Variants in CHRNA5 observed in about 807,000 individuals in gnomAD.
The protein encoded by CHRNA5 is neuronal acetylcholine receptor subunit alpha-5.
Under a neutral mutation model 41.2 loss-of-function variants are expected in CHRNA5, and 28 were observed. The ratio of observed to expected loss-of-function variants is 0.68; its 90% CI spans 0.50 to 0.93. CHRNA5 has a LOEUF of 0.93. Among genes scored for constraint, CHRNA5 ranks in the 40% least tolerant of loss-of-function variants. CHRNA5 has a pLI of 0.00. For missense variants in CHRNA5, 481 were observed against 581.9 expected (o/e 0.83, Z 1.78); for synonymous variants, 188 against 205.8 (o/e 0.91, Z 0.74).
At chr15:78,568,502 C>T (rs765662795) in intron 1 of CHRNA5, among the ~76,000 whole-genome samples, 14 of 151,494 alleles carry the variant, frequency 9.2e-5, no homozygotes, top group Non-Finnish European at 5.9e-5. Context: ...TTCTGGGATA[C>T]ATGTGCAGAA....
intron 1 of CHRNA5, among the ~76,000 whole-genome samples, chr15:78,579,864 C>T (rs773107876): frequency 1.3e-5 from 2 of 152,110 alleles, no homozygotes; most frequent in African/African-American, 4.8e-5. Context: ...CTGCTATCTT[C>T]GAGTTCTTCC....
chr15:78,581,054 C>T, intron 2 of CHRNA5, 92 bp downstream of exon 2: 1 of 1,330,398 alleles, frequency 7.5e-7, no homozygotes, highest in Non-Finnish European at 1.0e-6. Context: ...CCAAGGATTA[C>T]AAAGGTGATT....
At chr15:78,570,573 C>T (rs1267534064) in intron 1 of CHRNA5, among the ~76,000 whole-genome samples, 2 of 151,794 alleles carry the variant, frequency 1.3e-5, no homozygotes, top group African/African-American at 4.8e-5. Context: ...CCCGGCCCCT[C>T]CTACTGTGTT....
At chr15:78,577,891 A>G (rs1165921244) in intron 1 of CHRNA5, among the ~76,000 whole-genome samples, 5 of 149,648 alleles carry the variant, frequency 3.3e-5, no homozygotes, top group Non-Finnish European at 5.9e-5. Flanking sequence ...AGATTGCACC[A>G]TTGCACTCCA....
chr15:78,568,279 A>G (rs1298456705), intron 1 of CHRNA5, among the ~76,000 whole-genome samples: 1 of 152,140 alleles, frequency 6.6e-6, no homozygotes, highest in Non-Finnish European at 1.5e-5. Flanking sequence ...AATATATTAA[A>G]GTATAATGAA....
rs1440508934 is a variant in CHRNA5 at position 78,588,558 on chromosome 15, T to TA, written c.413+136dup. 1 of 476,216 alleles carries TA rather than the reference T, an allele frequency of 2.1e-6. No homozygotes were observed. The highest frequency in any genetic ancestry group is 3.7e-6 in the Non-Finnish European group (1 of 270,452). 29.5% of individuals were successfully genotyped at this position (476,216 alleles called of 1,614,324 possible). On this transcript the variant is annotated intron_variant, in intron 4 of 5. Coordinates refer to ENST00000299565, the Ensembl canonical transcript of CHRNA5. The surrounding 1 kb of genome is among the most constrained non-coding windows in gnomAD (Gnocchi z 4.1). Reference sequence around the variant, plus strand: ...AATGACATGACCGCATGTGCCTGGGTATGATTACATGTTTTATAGATGAGG... The same window carrying TA: ...AATGACATGACCGCATGTGCCTGGGTAATGATTACATGTTTTATAGATGAGG...
exon 6 of CHRNA5, chr15:78,595,237 C>T (rs1207550082): frequency 1.0e-6 from 1 of 955,252 alleles, no homozygotes; most frequent in Non-Finnish European, 1.2e-6. Context: ...ATTACTGTTA[C>T]TTATGATTTT....
chr15:78,592,125 C>G (rs2053022045), intron 5 of CHRNA5, among the ~76,000 whole-genome samples: 1 of 152,016 alleles, frequency 6.6e-6, no homozygotes, highest in South Asian at 2.1e-4. Context: ...AGTTTGAGAC[C>G]AGCCTGGCCA....
chr15:78,587,825 A>G (rs1234244055), intron 3 of CHRNA5, among the ~76,000 whole-genome samples: 1 of 152,108 alleles, frequency 6.6e-6, no homozygotes, highest in Admixed American at 6.6e-5. Context: ...CCTGAAAGGC[A>G]TATATGCTTT....
intron 5 of CHRNA5, among the ~76,000 whole-genome samples, chr15:78,592,321 CAAAAT>C (rs145549799): frequency 3.6e-4 from 55 of 152,192 alleles, no homozygotes; most frequent in African/African-American, 1.2e-3. Flanking sequence ...GGCTCTGTCT[CAAAAT>C]AAAATAAGCA....
intron 1 of CHRNA5, among the ~76,000 whole-genome samples, chr15:78,566,625 C>T (rs1241206084): frequency 6.6e-6 from 1 of 152,206 alleles, no homozygotes; most frequent in African/African-American, 2.4e-5. Context: ...CAGAAGTTCA[C>T]TACGTCTGTA....
chr15:78,585,162 C>T (rs926170851), intron 2 of CHRNA5, among the ~76,000 whole-genome samples: 7 of 152,150 alleles, frequency 4.6e-5, no homozygotes, highest in Non-Finnish European at 2.9e-5. Flanking sequence ...GTGATCCACC[C>T]GTCTTGGCCT....
exon 5 of CHRNA5, chr15:78,590,587 C>T (rs778281973): frequency 1.2e-6 from 2 of 1,614,008 alleles, no homozygotes; most frequent in East Asian, 2.2e-5. Context: ...GCGCTCGATT[C>T]TATTCGCTAC....
At chr15:78,570,550 G>A (rs951237005) in intron 1 of CHRNA5, among the ~76,000 whole-genome samples, 1 of 150,636 alleles carries the variant, frequency 6.6e-6, no homozygotes, top group Non-Finnish European at 1.5e-5. Context: ...GATTACAGGT[G>A]TGAGCCACCA....
chr15:78,587,129 A>T (rs1300723656), intron 3 of CHRNA5, among the ~76,000 whole-genome samples: 1 of 152,202 alleles, frequency 6.6e-6, no homozygotes, highest in Non-Finnish European at 1.5e-5. Context: ...GCAAGAGAGC[A>T]TGTTCAGGGG....
chr15:78,574,041 C>T (rs1345337982), intron 1 of CHRNA5, among the ~76,000 whole-genome samples: 3 of 144,860 alleles, frequency 2.1e-5, no homozygotes, highest in Admixed American at 7.1e-5. Context: ...TCTCAAACTC[C>T]TAACCTCGTG....
intron 5 of CHRNA5, among the ~76,000 whole-genome samples, chr15:78,592,349 GGTTTACAAT>G (rs1344467918): frequency 6.6e-6 from 1 of 152,044 alleles, no homozygotes; most frequent in Non-Finnish European, 1.5e-5. Flanking sequence ...GAAGTAACAG[GGTTTACAAT>G]GCCCTAAATT....
intron 1 of CHRNA5, among the ~76,000 whole-genome samples, chr15:78,575,181 A>C (rs187435547): frequency 1.5e-4 from 23 of 152,240 alleles, no homozygotes; most frequent in Admixed American, 7.2e-4. Flanking sequence ...ATTTTTTTAA[A>C]TGTCATTCTC....
exon 6 of CHRNA5, chr15:78,593,210 C>A (rs1159678265): frequency 1.2e-6 from 2 of 1,613,132 alleles, no homozygotes; most frequent in Non-Finnish European, 1.7e-6. Context: ...TATAAATGGG[C>A]AAATATATTA....
Sources: gnomAD v4.1 joint callset for allele counts (sites outside exome capture counted in the v4.1 genomes callset) on GRCh38, gnomAD v4.1.1 for gene constraint, Gnocchi (gnomAD v3.1) non-coding constraint, MANE v1.5 for transcripts, NCBI Gene and HGNC (gene_info 2026-07-23, HGNC 2026-07-21) for gene names.